The following SV2C variants were observed in gnomAD, a reference collection of about 807,000 sequenced individuals.
SV2C encodes the protein synaptic vesicle glycoprotein 2C.
In SV2C, 49 loss-of-function variants were observed where a neutral mutation model predicts 79.7. The ratio of observed to expected loss-of-function variants is 0.61; its 90% CI spans 0.49 to 0.78. The LOEUF is 0.78. Among genes scored for constraint, SV2C ranks in the 30% least tolerant of loss-of-function variants. SV2C has a pLI of 0.00. For synonymous variants in SV2C, 334 were observed against 333.2 expected (o/e 1.00, Z -0.03); for missense variants, 833 against 912.9 (o/e 0.91, Z 1.13).
the SV2C span, among the ~76,000 whole-genome samples, chr5:75,981,877 T>C: frequency 6.6e-6 from 1 of 152,026 alleles, no homozygotes; most frequent in Non-Finnish European, 1.5e-5. Flanking sequence ...TGGGATCTAA[T>C]TAAACTAAAG....
At chr5:75,991,566 G>GATATAT in the SV2C span, among the ~76,000 whole-genome samples, 174 of 140,384 alleles carry the variant, frequency 1.2e-3, 1 homozygote, top group African/African-American at 4.4e-3. Flanking sequence ...TTCTTAGCAA[G>GATATAT]ATATATATAT....
intron 12 of SV2C, among the ~76,000 whole-genome samples, chr5:76,345,089 T>C (rs1458989061): frequency 6.6e-6 from 1 of 152,212 alleles, no homozygotes; most frequent in Non-Finnish European, 1.5e-5. Flanking sequence ...TTTAGGCAAC[T>C]GGGAAAGGCA....
chr5:76,070,783 C>A, the SV2C span, among the ~76,000 whole-genome samples: 4 of 152,206 alleles, frequency 2.6e-5, no homozygotes, highest in African/African-American at 9.6e-5. Flanking sequence ...TCTGGAATAT[C>A]TTCTATCCAC....
chr5:76,217,195 C>G (rs182036181), intron 4 of SV2C, among the ~76,000 whole-genome samples: 60 of 152,296 alleles, frequency 3.9e-4, no homozygotes, highest in African/African-American at 1.3e-3. Context: ...AAACGTCAGA[C>G]TTACCCCACC....
intron 1 of SV2C, among the ~76,000 whole-genome samples, chr5:76,103,528 C>T (rs573788709): frequency 7.2e-5 from 11 of 152,282 alleles, no homozygotes; most frequent in African/African-American, 2.6e-4. Context: ...CACTTCTGGC[C>T]AACCTAGATG....
chr5:75,973,859 CAT>C, the SV2C span, among the ~76,000 whole-genome samples: 1 of 151,944 alleles, frequency 6.6e-6, no homozygotes, highest in East Asian at 1.9e-4. Flanking sequence ...AACCTCATGT[CAT>C]ATGAAATTGA....
the SV2C span, among the ~76,000 whole-genome samples, chr5:75,866,914 A>G: frequency 6.6e-6 from 1 of 152,160 alleles, no homozygotes; most frequent in Non-Finnish European, 1.5e-5. Context: ...GGTGTAGTGG[A>G]GGAAATGACA....
At chr5:76,047,227 C>G in the SV2C span, among the ~76,000 whole-genome samples, 1 of 152,178 alleles carries the variant, frequency 6.6e-6, no homozygotes, top group East Asian at 1.9e-4. Flanking sequence ...TCCCAGCCCC[C>G]CAGAAGCCCT....
the SV2C span, among the ~76,000 whole-genome samples, chr5:76,059,987 C>T: frequency 6.6e-6 from 1 of 152,104 alleles, no homozygotes; most frequent in African/African-American, 2.4e-5. Flanking sequence ...TAACTAGGTG[C>T]ATTGTCAATG....
chr5:75,998,692 A>T, the SV2C span, among the ~76,000 whole-genome samples: 1 of 151,272 alleles, frequency 6.6e-6, no homozygotes, highest in Non-Finnish European at 1.5e-5. Flanking sequence ...GTGTGTGTGT[A>T]TTATACCACT....
At chr5:76,128,698 C>T (rs187513138) in intron 1 of SV2C, among the ~76,000 whole-genome samples, 1 of 152,304 alleles carries the variant, frequency 6.6e-6, no homozygotes, top group African/African-American at 2.4e-5. Context: ...GTTTTTAGCA[C>T]AATGCCTGAC....
the SV2C span, among the ~76,000 whole-genome samples, chr5:75,998,866 T>C: frequency 4.5e-4 from 68 of 152,236 alleles, no homozygotes; most frequent in African/African-American, 1.5e-3. Context: ...TACACACATA[T>C]GTATATATAA....
chr5:76,286,004 T>G (rs1015733596), intron 6 of SV2C, 134 bp downstream of exon 6: 2 of 684,332 alleles, frequency 2.9e-6, no homozygotes, highest in African/African-American at 3.6e-5. Context: ...GCCATTGTAG[T>G]GCAAAAGCAG....
chr5:76,257,985 TG>T (rs1369413782), intron 4 of SV2C, among the ~76,000 whole-genome samples: 4 of 149,250 alleles, frequency 2.7e-5, no homozygotes, highest in African/African-American at 9.9e-5. Context: ...GTGTGATAAA[TG>T]GGTGTATGTA....
intron 2 of SV2C, among the ~76,000 whole-genome samples, chr5:76,190,729 T>C (rs1349330183): frequency 6.6e-5 from 10 of 152,190 alleles, no homozygotes; most frequent in Non-Finnish European, 1.5e-4. Flanking sequence ...AAACTCTACC[T>C]TTGGGAAAAC....
the SV2C span, among the ~76,000 whole-genome samples, chr5:75,919,561 T>G: frequency 6.6e-6 from 1 of 152,234 alleles, no homozygotes. Context: ...CTTGTTCTCT[T>G]AAAATTCTCA....
intron 4 of SV2C, among the ~76,000 whole-genome samples, chr5:76,236,120 C>T (rs1159090428): frequency 6.6e-6 from 1 of 152,148 alleles, no homozygotes; most frequent in East Asian, 1.9e-4. Context: ...CAGCAGCATA[C>T]CCAAAGACTT....
At chr5:76,138,721 T>C (rs893873322) in intron 2 of SV2C, among the ~76,000 whole-genome samples, 1 of 152,148 alleles carries the variant, frequency 6.6e-6, no homozygotes. Context: ...GTGTGGTACA[T>C]AATAGGATCT....
chr5:76,127,039 C>T (rs985016634), intron 1 of SV2C, among the ~76,000 whole-genome samples: 4 of 152,166 alleles, frequency 2.6e-5, no homozygotes, highest in African/African-American at 9.7e-5. Context: ...TATCAGGGCA[C>T]AATGGTTTTA....
Sources: allele counts gnomAD v4.1 joint callset (sites outside exome capture counted in the v4.1 genomes callset), GRCh38; gene constraint gnomAD v4.1.1; transcripts MANE v1.5; gene names NCBI Gene and HGNC (gene_info 2026-07-23, HGNC 2026-07-21).